The following FGF14 variants were observed in gnomAD, a reference collection of about 807,000 sequenced individuals.
The protein encoded by FGF14 is fibroblast growth factor homologous factor 4.
A neutral mutation model predicts 25.5 loss-of-function variants in FGF14; 5 were observed. The observed-to-expected ratio is 0.20, with a 90% CI of 0.10 to 0.41. FGF14 has a LOEUF of 0.41. Ranked by LOEUF, FGF14 falls within the 10% of genes least tolerant of loss-of-function variation. The pLI, the probability that FGF14 is intolerant of heterozygous loss-of-function variation, is 1.00. For synonymous variants in FGF14, 138 were observed against 118.3 expected (o/e 1.17, Z -1.08); for missense variants, 222 against 320.1 (o/e 0.69, Z 2.34).
chr13:101,986,555 G>C (rs2038590979), intron 1 of FGF14, among the ~76,000 whole-genome samples: 1 of 152,116 alleles, frequency 6.6e-6, no homozygotes, highest in South Asian at 2.1e-4. Flanking sequence ...GAAACAATGA[G>C]TCAAAGTTGC....
intron 1 of FGF14, among the ~76,000 whole-genome samples, chr13:102,095,620 C>G (rs1479731878): frequency 2.0e-5 from 3 of 152,140 alleles, no homozygotes; most frequent in Non-Finnish European, 4.4e-5. Flanking sequence ...GACAGCAAGA[C>G]CAGCCCCTCC....
At chr13:102,077,880 C>T (rs2043435074) in intron 1 of FGF14, among the ~76,000 whole-genome samples, 2 of 152,176 alleles carry the variant, frequency 1.3e-5, no homozygotes, top group African/African-American at 4.8e-5. Flanking sequence ...AATATGAAAT[C>T]TACCTAAGTA....
chr13:102,074,186 A>AT (rs979679136), intron 1 of FGF14, among the ~76,000 whole-genome samples: 1 of 151,856 alleles, frequency 6.6e-6, no homozygotes, highest in Non-Finnish European at 1.5e-5. Context: ...ATTTTAAAAA[A>AT]TTTTTTTTGT....
At chr13:102,161,462 A>C (rs1423461442) in intron 1 of FGF14, among the ~76,000 whole-genome samples, 1 of 152,016 alleles carries the variant, frequency 6.6e-6, no homozygotes, top group East Asian at 1.9e-4. Flanking sequence ...CCAGAGAGCA[A>C]ATGACAGCAA....
At chr13:102,006,356 A>C (rs1470438296) in intron 1 of FGF14, among the ~76,000 whole-genome samples, 1 of 152,238 alleles carries the variant, frequency 6.6e-6, no homozygotes, top group Non-Finnish European at 1.5e-5. Context: ...GTTACTTGCC[A>C]ATCAACAATA....
At chr13:102,094,876 C>A (rs914885045) in intron 1 of FGF14, among the ~76,000 whole-genome samples, 2 of 152,108 alleles carry the variant, frequency 1.3e-5, no homozygotes, top group Admixed American at 6.6e-5. Flanking sequence ...ACAATGAACA[C>A]ATTGAAGCAG....
chr13:101,910,491 T>A (rs1175382847), intron 1 of FGF14, among the ~76,000 whole-genome samples: 1 of 152,062 alleles, frequency 6.6e-6, no homozygotes, highest in African/African-American at 2.4e-5. Context: ...TGGGTTCCTA[T>A]CAATCCCAAT....
intron 1 of FGF14, among the ~76,000 whole-genome samples, chr13:101,988,131 C>T (rs903383940): frequency 3.3e-5 from 5 of 152,154 alleles, no homozygotes; most frequent in African/African-American, 1.2e-4. Flanking sequence ...AGCAAAGACA[C>T]ATTAAGCTGG....
intron 3 of FGF14, among the ~76,000 whole-genome samples, chr13:101,758,595 T>C (rs752485667): frequency 1.4e-4 from 22 of 152,154 alleles, no homozygotes; most frequent in Admixed American, 2.6e-4. Context: ...AAAGACACAA[T>C]AACTAAATAA....
intron 1 of FGF14, among the ~76,000 whole-genome samples, chr13:101,923,938 C>T (rs192917178): frequency 3.9e-5 from 6 of 152,002 alleles, no homozygotes; most frequent in Non-Finnish European, 8.8e-5. Context: ...CCAGCTAATA[C>T]GTTGGAAAAA....
intron 1 of FGF14, among the ~76,000 whole-genome samples, chr13:102,006,723 A>ACTT (rs2039809942): frequency 1.9e-5 from 2 of 107,246 alleles, no homozygotes; most frequent in South Asian, 5.9e-4. Flanking sequence ...ACAAAATCTT[A>ACTT]CTTCTTTTTT....
intron 1 of FGF14, among the ~76,000 whole-genome samples, chr13:102,078,460 T>C (rs1028983168): frequency 1.3e-5 from 2 of 152,152 alleles, no homozygotes; most frequent in Non-Finnish European, 2.9e-5. Flanking sequence ...ACTTACAGTC[T>C]AGAGGAAAGA....
At chr13:101,843,300 T>A (rs1225417814) in intron 3 of FGF14, among the ~76,000 whole-genome samples, 1 of 151,930 alleles carries the variant, frequency 6.6e-6, no homozygotes, top group Non-Finnish European at 1.5e-5. Context: ...GACATGCATT[T>A]AGGGGGCGAT....
chr13:102,375,036 A>G (rs1478959533), intron 1 of FGF14, among the ~76,000 whole-genome samples: 1 of 152,126 alleles, frequency 6.6e-6, no homozygotes, highest in Non-Finnish European at 1.5e-5. Context: ...TAAACAAAAC[A>G]GAGTTCAAAA....
chr13:102,269,920 C>T lies in FGF14; in HGVS notation c.208+131551G>A, dbSNP rs1180062710. On this transcript the variant is annotated intron_variant, in intron 1 of 4. Transcript: ENST00000376131. Reference sequence around the variant, plus strand: ...TAAGATGGTGTCCACAAGCTAGAGGCCTGACCAGGAGCTTTGCATCTCACC... The same window carrying T: ...TAAGATGGTGTCCACAAGCTAGAGGTCTGACCAGGAGCTTTGCATCTCACC... Among the ~76,000 whole-genome samples, 6 of 152,138 alleles carry T rather than the reference C, an allele frequency of 3.9e-5. No individual in the cohort carries two copies. The East Asian group carries it at 9.6e-4, about 24-fold the overall frequency.
chr13:101,880,845 G>T (rs1347244348), intron 1 of FGF14, among the ~76,000 whole-genome samples: 2 of 152,114 alleles, frequency 1.3e-5, no homozygotes. Flanking sequence ...TTTCTGTTTT[G>T]TTTTTAAAGT....
chr13:101,828,432 C>T (rs1306868351), intron 3 of FGF14, among the ~76,000 whole-genome samples: 1 of 151,010 alleles, frequency 6.6e-6, no homozygotes, highest in Non-Finnish European at 1.5e-5. Context: ...AATTGTCAAA[C>T]AATTGATAGA....
chr13:101,821,105 C>T (rs1318556358), intron 3 of FGF14, among the ~76,000 whole-genome samples: 5 of 150,862 alleles, frequency 3.3e-5, no homozygotes, highest in African/African-American at 9.7e-5. Flanking sequence ...CCCGCTACCA[C>T]GCCGGGCTAA....
chr13:101,903,840 G>A (rs1036655657), intron 1 of FGF14, among the ~76,000 whole-genome samples: 2 of 152,094 alleles, frequency 1.3e-5, no homozygotes, highest in African/African-American at 4.8e-5. Context: ...GTTCTCCAGA[G>A]GGCCTTTTGT....
Sources: allele counts gnomAD v4.1 joint callset (sites outside exome capture counted in the v4.1 genomes callset), GRCh38; gene constraint gnomAD v4.1.1; transcripts MANE v1.5; gene names NCBI Gene and HGNC (gene_info 2026-07-23, HGNC 2026-07-21).